WDR27: variants seen among roughly 807,000 people sequenced by gnomAD.
The protein encoded by WDR27 is WD repeat domain 27, also known as WD repeat-containing protein 27.
In WDR27, 100 loss-of-function variants were observed where a neutral mutation model predicts 114.4. The ratio of observed to expected loss-of-function variants is 0.87; its 90% CI spans 0.74 to 1.03. The LOEUF is 1.03. Ranked by LOEUF, WDR27 falls within the 50% of genes least tolerant of loss-of-function variation. The pLI, the probability that WDR27 is intolerant of heterozygous loss-of-function variation, is 0.00. For synonymous variants in WDR27, 449 were observed against 423.1 expected, an observed-to-expected ratio of 1.06 and a Z score of -0.75; for missense variants, 1,129 against 1,092.9, an observed-to-expected ratio of 1.03 and a Z score of -0.47.
At position 169,642,701 on chromosome 6, in the gene WDR27, G is replaced by A. The variant is rs1433362353; in HGVS notation, c.1747+996C>T. On this transcript the variant is annotated intron_variant, in intron 17 of 25. Transcript: ENST00000448612. ...ACCTGGCCCTGGGTGTTAGCAAGCA[G>A]AGGGTGTGAGGCGGGAGTCACTGGG... Among the ~76,000 whole-genome samples the A allele has an allele frequency of 2.6e-5, 4 of 152,270 alleles. No homozygotes were observed. In the East Asian group the frequency reaches 5.8e-4, roughly 22 times the overall value.
chr6:169,579,739 T>C (rs1803059363), intron 24 of WDR27, among the ~76,000 whole-genome samples: 1 of 151,832 alleles, frequency 6.6e-6, no homozygotes, highest in African/African-American at 2.4e-5. Flanking sequence ...TAATTAAGAG[T>C]GGGTATAACT....
intron 25 of WDR27, among the ~76,000 whole-genome samples, chr6:169,547,410 G>A (rs1797593882): frequency 6.6e-6 from 1 of 152,102 alleles, no homozygotes; most frequent in Admixed American, 6.6e-5. Flanking sequence ...CATGTAGACA[G>A]ATGCAAAAAT....
intron 2 of WDR27, among the ~76,000 whole-genome samples, chr6:169,677,549 CA>C (rs1190642530): frequency 6.6e-6 from 1 of 152,188 alleles, no homozygotes; most frequent in Admixed American, 6.5e-5. Flanking sequence ...AGCCATGTGG[CA>C]AAAAGTAACT....
chr6:169,651,816 G>A, intron 14 of WDR27, 114 bp downstream of exon 14: 1 of 885,244 alleles, frequency 1.1e-6, no homozygotes, highest in Non-Finnish European at 1.7e-6. Flanking sequence ...CTATTGCTAT[G>A]TCCTCTCTCC....
intron 19 of WDR27, among the ~76,000 whole-genome samples, chr6:169,635,186 T>G (rs1353002602): frequency 6.6e-6 from 1 of 150,864 alleles, no homozygotes; most frequent in African/African-American, 2.4e-5. Context: ...GCCAACATAG[T>G]GCAACCCCGT....
chr6:169,467,661 C>A (rs1785775319), intron 25 of WDR27, among the ~76,000 whole-genome samples: 1 of 152,202 alleles, frequency 6.6e-6, no homozygotes, highest in South Asian at 2.1e-4. Context: ...GGGACCAGCC[C>A]ATAAAGCCAT....
chr6:169,555,337 G>A (rs1444505139), intron 25 of WDR27, among the ~76,000 whole-genome samples: 3 of 152,196 alleles, frequency 2.0e-5, no homozygotes, highest in Middle Eastern at 3.4e-3. Context: ...GCAAAGAAGA[G>A]CAGACTGCTC....
intron 23 of WDR27, among the ~76,000 whole-genome samples, chr6:169,585,030 A>T (rs1391546739): frequency 1.3e-5 from 2 of 152,236 alleles, no homozygotes; most frequent in African/African-American, 2.4e-5. Flanking sequence ...ACTAATTTTC[A>T]ATAAGGCCAT....
chr6:169,508,541 T>C lies in WDR27; in HGVS notation c.2646-50907A>G, dbSNP rs1792321403. ...AGTTGTTGTTTAAGAGTGAATAGTC[T>C]AAAGTGACTGAAAATTAGTCTCTAT... On this transcript the variant is annotated intron_variant, in intron 25 of 25. Coordinates refer to ENST00000448612, the MANE Select transcript of WDR27 (RefSeq NM_182552.5). Among the ~76,000 whole-genome samples the C allele has an allele frequency of 2.6e-5, 4 of 152,334 alleles. 1 individual carries two copies. The Middle Eastern group carries it at 0.014, about 518-fold the overall frequency.
intron 22 of WDR27, among the ~76,000 whole-genome samples, chr6:169,604,791 C>T (rs1043878428): frequency 2.6e-5 from 4 of 152,006 alleles, no homozygotes; most frequent in Non-Finnish European, 5.9e-5. Flanking sequence ...GATGGTTCAA[C>T]ATACAATAAT....
At chr6:169,528,445 G>C (rs1795199792) in intron 25 of WDR27, among the ~76,000 whole-genome samples, 1 of 152,164 alleles carries the variant, frequency 6.6e-6, no homozygotes, top group Non-Finnish European at 1.5e-5. Context: ...TCCATAAGAA[G>C]GGGAAGTATA....
intron 25 of WDR27, among the ~76,000 whole-genome samples, chr6:169,521,457 G>C (rs1273972870): frequency 1.3e-5 from 2 of 152,110 alleles, no homozygotes; most frequent in East Asian, 3.9e-4. Flanking sequence ...AGCATTTCAA[G>C]GTATTAAACC....
intron 23 of WDR27, among the ~76,000 whole-genome samples, chr6:169,584,414 T>C (rs1042116441): frequency 6.6e-6 from 1 of 152,238 alleles, no homozygotes; most frequent in East Asian, 1.9e-4. Flanking sequence ...GTGGTGCTGA[T>C]TGCCTCTCCT....
intron 25 of WDR27, among the ~76,000 whole-genome samples, chr6:169,513,876 C>G (rs989064406): frequency 6.6e-6 from 1 of 152,166 alleles, no homozygotes; most frequent in Non-Finnish European, 1.5e-5. Context: ...TCATTACTCA[C>G]AGCATTAAAG....
intron 25 of WDR27, among the ~76,000 whole-genome samples, chr6:169,509,505 A>G (rs973835765): frequency 9.2e-5 from 14 of 152,126 alleles, no homozygotes; most frequent in African/African-American, 3.4e-4. Flanking sequence ...TCTTTGACAA[A>G]CCTGACAAAA....
At position 169,684,828 on chromosome 6, in the gene WDR27, C is replaced by A. The variant is rs1180422263; in HGVS notation, c.189+3989G>T. ...GGAGAAACAGCCCCAGGAGCTGCCC[C>A]AGCAGATATGTCCCCACGCTGGCCA... On this transcript the variant is annotated intron_variant, in intron 2 of 25. Coordinates refer to ENST00000448612, the MANE Select transcript of WDR27 (RefSeq NM_182552.5). The surrounding 1 kb of genome is among the most constrained non-coding windows in gnomAD (Gnocchi z 4.3). Among the ~76,000 whole-genome samples the A allele has an allele frequency of 6.6e-6, 1 of 152,184 alleles. No individual in the cohort carries two copies. Among genetic ancestry groups the A allele is most frequent in the East Asian group, 1.9e-4 (1 of 5,182 alleles).
At chr6:169,559,536 T>C (rs1377834785) in intron 25 of WDR27, 1 of 152,202 alleles carries the variant, frequency 6.6e-6, no homozygotes, top group African/African-American at 2.4e-5. Context: ...AGTAGAAATA[T>C]AATATATGTT....
At chr6:169,687,539 G>A (rs770372218) in intron 2 of WDR27, among the ~76,000 whole-genome samples, 28 of 152,024 alleles carry the variant, frequency 1.8e-4, no homozygotes, top group Admixed American at 2.0e-4. Flanking sequence ...TGCCCTTTTC[G>A]AAAGGCTAAA....
chr6:169,443,718 G>A, the WDR27 span, among the ~76,000 whole-genome samples: 2 of 152,304 alleles, frequency 1.3e-5, no homozygotes, highest in Admixed American at 6.5e-5. Context: ...TGATGTCATC[G>A]CTCAGCCACC....
Sources: allele counts gnomAD v4.1 joint callset (sites outside exome capture counted in the v4.1 genomes callset), GRCh38; gene constraint gnomAD v4.1.1; non-coding constraint Gnocchi (gnomAD v3.1); transcripts MANE v1.5; gene names NCBI Gene and HGNC (gene_info 2026-07-23, HGNC 2026-07-21).